Variants in FBN1 observed in about 807,000 individuals in gnomAD.
The protein encoded by FBN1 is fibrillin-1.
FBN1 carries 29 observed loss-of-function variants against 365.1 expected under a neutral mutation model. That is an observed-to-expected ratio of 0.08 (90% confidence interval 0.06 to 0.11). The LOEUF is 0.11. FBN1 is among the 10% of genes least tolerant of loss of function. The pLI, the probability that FBN1 is intolerant of heterozygous loss-of-function variation, is 1.00. For synonymous variants in FBN1, 1,210 were observed against 1,270.5 expected, an observed-to-expected ratio of 0.95 and a Z score of 1.01; for missense variants, 2,476 against 3,703.2, an observed-to-expected ratio of 0.67 and a Z score of 8.60.
chr15:48,491,337 C>A (rs1291911709), intron 24 of FBN1, among the ~76,000 whole-genome samples: 1 of 151,120 alleles, frequency 6.6e-6, no homozygotes, highest in African/African-American at 2.4e-5. Flanking sequence ...ATACCACTTT[C>A]TTTTTCTTTT....
intron 17 of FBN1, among the ~76,000 whole-genome samples, chr15:48,500,407 T>C (rs2043644591): frequency 6.6e-6 from 1 of 151,736 alleles, no homozygotes; most frequent in African/African-American, 2.4e-5. Context: ...TTAATACCGA[T>C]GACAACGCTA....
intron 2 of FBN1, among the ~76,000 whole-genome samples, chr15:48,636,747 A>G (rs1213809156): frequency 1.3e-5 from 2 of 152,216 alleles, no homozygotes; most frequent in Admixed American, 6.5e-5. Flanking sequence ...CCAGATGCAT[A>G]TGTGAAGAAG....
At chr15:48,607,763 GT>G in intron 4 of FBN1, among the ~76,000 whole-genome samples, 1 of 152,280 alleles carries the variant, frequency 6.6e-6, no homozygotes, top group South Asian at 2.1e-4. Context: ...AAGTTATAGA[GT>G]TTATTAATCC....
Position 48,610,779 on chromosome 15 carries a change from T to C in FBN1, c.295A>G (p.Met99Val). 2 of 1,614,170 alleles carry C rather than the reference T, an allele frequency of 1.2e-6. No individual in the cohort carries two copies. Among genetic ancestry groups the C allele is most frequent in the Non-Finnish European group, 8.5e-7 (1 of 1,180,000 alleles). ...CGDGFCSRPNMCTCPSGQIAP... is the reference protein window; with the variant it reads ...CGDGFCSRPNVCTCPSGQIAP... The stretch of plus-strand genomic sequence containing the variant: ...ATCTGACCAGATGGGCAAGTGCACA[T>C]ATTTGGCCTCGAACAAAATCCATCC... Residue 99 changes from methionine to valine, a missense_variant, in exon 4 of 66, where the codon ATG becomes GTG. Physicochemically the swap from Met to Val is conservative, Grantham distance 21. This residue lies in a region of FBN1 where 22 missense variants were observed against 64.1 expected (regional missense o/e 0.34). Transcript: ENST00000316623.
chr15:48,593,635 A>AT (rs538035645), intron 6 of FBN1, among the ~76,000 whole-genome samples: 3 of 152,264 alleles, frequency 2.0e-5, no homozygotes, highest in African/African-American at 7.2e-5. Flanking sequence ...ATATCTCCAG[A>AT]TTTTTTGATG....
At position 48,485,430 on chromosome 15, in the gene FBN1, T is replaced by C. The variant is rs1555398394; in HGVS notation, c.3656A>G (p.Tyr1219Cys). The C allele has an allele frequency of 6.2e-7, 1 of 1,614,208 alleles. No individual in the cohort carries two copies. The highest frequency in any genetic ancestry group is 8.5e-7 in the Non-Finnish European group (1 of 1,180,022). ...AAATCCCGGCTGACAGCTACATTCATAGCTGCCTTCAGAGTTTGTGCAGAA... is the reference window on the plus strand; with the variant it reads ...AAATCCCGGCTGACAGCTACATTCACAGCTGCCTTCAGAGTTTGTGCAGAA... ...ETFCTNSEGS[Y>C]ECSCQPGFAL... Residue 1219 changes from tyrosine (Y) to cysteine (C), a missense_variant, in exon 30 of 66, where the codon TAT becomes TGT. Around this residue, in one of 5 missense-constraint regions of FBN1, gnomAD observed 1,780 missense variants for 2,840.8 expected, o/e 0.63. Transcript: ENST00000316623.
chr15:48,495,115 T>C lies in FBN1; in HGVS notation c.2677+8A>G, dbSNP rs753802491. On this transcript the variant is annotated splice_region_variant and intron_variant, in intron 22 of 65. Transcript: ENST00000316623. ...TGGTATAGGAACCACAGCATGGGTT[T>C]CTCTTACCAACTTGGCATAGGGTGC... The C allele has an allele frequency of 6.2e-7, 1 of 1,614,032 alleles. No individual in the cohort carries two copies. The highest frequency in any genetic ancestry group is 1.1e-5 in the South Asian group (1 of 91,064).
At chr15:48,447,365 C>G (rs2043168431) in intron 46 of FBN1, among the ~76,000 whole-genome samples, 1 of 152,160 alleles carries the variant, frequency 6.6e-6, no homozygotes, top group South Asian at 2.1e-4. Context: ...ACAACTTCCA[C>G]CAATGATGAC....
In FBN1 at chr15:48,514,554, T is replaced by A. The variant is rs151164145; in HGVS notation, c.1468+833A>T. On this transcript the variant is annotated intron_variant, in intron 12 of 65. Coordinates refer to ENST00000316623, the MANE Select transcript of FBN1 (RefSeq NM_000138.5). ...AGTTGATAGGAGCTGAGTGTTCTTA[T>A]CCAATCCAAAAATTGATTATTCTTT... is the stretch of plus-strand genomic sequence containing the variant. Among the ~76,000 whole-genome samples, 32 of 152,338 alleles carry A rather than the reference T, an allele frequency of 2.1e-4. No homozygotes were observed. In the East Asian group the frequency reaches 4.8e-3, roughly 23 times the overall value.
chr15:48,490,112 C>G lies in FBN1; in HGVS notation c.2855-34G>C, dbSNP rs1597565638. ...GGGAATCAAGGGAGGTTAAATAGAG[C>G]CACACGGCTTCCACTGCCCCAAACT... On this transcript the variant is annotated intron_variant, in intron 24 of 65. Transcript: ENST00000316623. 10 of 1,587,614 alleles carry G rather than the reference C, an allele frequency of 6.3e-6. No homozygotes were observed. The African/African-American group carries it at 6.7e-5, about 11-fold the overall frequency.
chr15:48,436,300 G>A (rs2043071535), intron 53 of FBN1, among the ~76,000 whole-genome samples: 1 of 152,158 alleles, frequency 6.6e-6, no homozygotes, highest in Non-Finnish European at 1.5e-5. Context: ...CATAGCTGGA[G>A]CTGAAATCTT....
chr15:48,515,342 G>A, intron 12 of FBN1, 45 bp downstream of exon 12: 2 of 1,611,546 alleles, frequency 1.2e-6, no homozygotes. Context: ...TCAAGGAACA[G>A]AATTACAACA....
intron 43 of FBN1, among the ~76,000 whole-genome samples, chr15:48,457,763 C>A (rs2043252057): frequency 6.6e-6 from 1 of 152,102 alleles, no homozygotes; most frequent in Non-Finnish European, 1.5e-5. Context: ...TGAATTATCA[C>A]AGCCACCCCA....
chr15:48,531,802 G>A (rs1196169234), intron 8 of FBN1, among the ~76,000 whole-genome samples: 1 of 152,110 alleles, frequency 6.6e-6, no homozygotes, highest in African/African-American at 2.4e-5. Context: ...GTTCACACCA[G>A]TCTCCAGGCC....
chr15:48,493,044 T>G (rs2043575388), intron 23 of FBN1, among the ~76,000 whole-genome samples: 1 of 152,216 alleles, frequency 6.6e-6, no homozygotes, highest in African/African-American at 2.4e-5. Context: ...GAAGGGTCTC[T>G]TTTAAGAAGT....
intron 5 of FBN1, among the ~76,000 whole-genome samples, chr15:48,598,074 C>A (rs1465513995): frequency 3.3e-5 from 5 of 152,172 alleles, no homozygotes; most frequent in Non-Finnish European, 7.3e-5. Context: ...CCTGTTTTGT[C>A]CTCCTCCAGT....
chr15:48,504,980 A>G (rs1387434015), intron 16 of FBN1, 45 bp downstream of exon 16: 25 of 1,613,568 alleles, frequency 1.5e-5, no homozygotes, highest in Non-Finnish European at 1.9e-5. Flanking sequence ...ATTGAGTGAC[A>G]GAGGCTGAAC....
At chr15:48,471,293 G>A (rs548470136) in intron 35 of FBN1, among the ~76,000 whole-genome samples, 36 of 152,130 alleles carry the variant, frequency 2.4e-4, no homozygotes, top group South Asian at 1.3e-3. Flanking sequence ...AACATTCTTC[G>A]TGTGCAGTTG....
chr15:48,512,693 C>G (rs1315165274), intron 13 of FBN1, among the ~76,000 whole-genome samples: 1 of 152,076 alleles, frequency 6.6e-6, no homozygotes, highest in African/African-American at 2.4e-5. Context: ...CCATGGTGTA[C>G]ATGTACTACA....
Sources: gnomAD v4.1 joint callset for allele counts (sites outside exome capture counted in the v4.1 genomes callset) on GRCh38, gnomAD v4.1.1 for gene constraint, gnomAD v4.1.1 regional missense constraint, MANE v1.5 for transcripts, NCBI Gene and HGNC (gene_info 2026-07-23, HGNC 2026-07-21) for gene names.